The following NPAS3 variants were observed in gnomAD, a reference collection of about 807,000 sequenced individuals.
The protein encoded by NPAS3 is neuronal PAS domain-containing protein 3.
In NPAS3, 14 loss-of-function variants were observed where a neutral mutation model predicts 73.1. The ratio of observed to expected loss-of-function variants is 0.19; its 90% CI spans 0.13 to 0.30. The LOEUF (loss-of-function observed/expected upper bound fraction) is 0.30. Ranked by LOEUF, NPAS3 falls within the 10% of genes least tolerant of loss-of-function variation. NPAS3 has a pLI of 1.00. For missense variants in NPAS3, 1,096 were observed against 1,250.0 expected (o/e 0.88, Z 1.86); for synonymous variants, 620 against 541.5 (o/e 1.14, Z -2.01).
chr14:33,396,776 G>A (rs2047241021), intron 4 of NPAS3, among the ~76,000 whole-genome samples: 1 of 152,048 alleles, frequency 6.6e-6, no homozygotes, highest in Non-Finnish European at 1.5e-5. Context: ...ATACACTTAT[G>A]TGTATATGTG....
At chr14:33,249,387 A>G (rs2048499974) in intron 3 of NPAS3, among the ~76,000 whole-genome samples, 1 of 150,294 alleles carries the variant, frequency 6.7e-6, no homozygotes, top group Non-Finnish European at 1.5e-5. Context: ...CTCATCTGAA[A>G]TGTGGATGTC....
intron 5 of NPAS3, among the ~76,000 whole-genome samples, chr14:33,613,296 T>C (rs2057808366): frequency 6.6e-6 from 1 of 152,106 alleles, no homozygotes; most frequent in Admixed American, 6.6e-5. Context: ...AGGAAACAGA[T>C]CCTTTGAGGA....
intron 2 of NPAS3, among the ~76,000 whole-genome samples, chr14:33,134,109 C>A (rs2043744132): frequency 6.6e-6 from 1 of 152,112 alleles, no homozygotes; most frequent in South Asian, 2.1e-4. Flanking sequence ...TGCAAATTGA[C>A]TGCTATTTGG....
At chr14:33,085,657 G>A (rs1366622541) in intron 2 of NPAS3, among the ~76,000 whole-genome samples, 1 of 152,026 alleles carries the variant, frequency 6.6e-6, no homozygotes, top group Admixed American at 6.6e-5. Flanking sequence ...CATAGAAACT[G>A]AACTATTAAA....
intron 1 of NPAS3, among the ~76,000 whole-genome samples, chr14:33,034,199 T>C (rs1404671476): frequency 2.0e-5 from 3 of 152,068 alleles, no homozygotes; most frequent in Non-Finnish European, 4.4e-5. Context: ...GAAAATATTA[T>C]GTATTATTAC....
intron 1 of NPAS3, among the ~76,000 whole-genome samples, chr14:32,974,058 T>C (rs2037550737): frequency 6.6e-6 from 1 of 152,224 alleles, no homozygotes; most frequent in Non-Finnish European, 1.5e-5. Context: ...ACACAGTAAG[T>C]GGTCAGTTAA....
intron 4 of NPAS3, among the ~76,000 whole-genome samples, chr14:33,402,775 T>C (rs1349359856): frequency 6.6e-6 from 1 of 152,192 alleles, no homozygotes; most frequent in Non-Finnish European, 1.5e-5. Flanking sequence ...TCTGTGTGCC[T>C]AAGTGCTGGC....
upstream of NPAS3, chr14:32,939,269 A>AG (rs760919074): frequency 2.2e-6 from 1 of 449,376 alleles, no homozygotes; most frequent in South Asian, 1.7e-5. Flanking sequence ...CCCACCCGGG[A>AG]GGGGGGAGAG....
intron 2 of NPAS3, among the ~76,000 whole-genome samples, chr14:33,178,856 G>A (rs2045692012): frequency 6.6e-6 from 1 of 152,030 alleles, no homozygotes; most frequent in African/African-American, 2.4e-5. Context: ...GTACAATGTT[G>A]AATAGCATTG....
intron 5 of NPAS3, among the ~76,000 whole-genome samples, chr14:33,661,334 C>T (rs2059302131): frequency 6.6e-6 from 1 of 152,098 alleles, no homozygotes; most frequent in Non-Finnish European, 1.5e-5. Context: ...GCTTGGAGGG[C>T]AGAGGAAGTT....
intron 11 of NPAS3, 45 bp from the exon 12 acceptor site, chr14:33,799,689 C>T: frequency 6.5e-7 from 1 of 1,542,354 alleles, no homozygotes; most frequent in Non-Finnish European, 8.7e-7. Flanking sequence ...TCTTCTCTCT[C>T]TTCTCTCTCC....
downstream of NPAS3, chr14:33,801,394 A>T: frequency 2.1e-6 from 1 of 469,834 alleles, no homozygotes; most frequent in South Asian, 2.3e-5. Flanking sequence ...CTTTATTAAG[A>T]TGTCTTTCAT....
chr14:33,442,615 A>T (rs1047503635), intron 4 of NPAS3, among the ~76,000 whole-genome samples: 1 of 152,182 alleles, frequency 6.6e-6, no homozygotes, highest in Non-Finnish European at 1.5e-5. Context: ...TTCGCCCTTC[A>T]CTTGGCTCTG....
chr14:33,356,986 A>C (rs2045366082), intron 3 of NPAS3, among the ~76,000 whole-genome samples: 1 of 152,190 alleles, frequency 6.6e-6, no homozygotes, highest in Non-Finnish European at 1.5e-5. Flanking sequence ...CCTGTTTACT[A>C]ATCTGCATTC....
intron 3 of NPAS3, among the ~76,000 whole-genome samples, chr14:33,325,886 G>T (rs76590604): frequency 6.6e-6 from 1 of 151,944 alleles, no homozygotes; most frequent in Admixed American, 6.6e-5. Flanking sequence ...TTTTACTTGA[G>T]ACTTTCAGTT....
intron 2 of NPAS3, among the ~76,000 whole-genome samples, chr14:33,102,799 C>T (rs1489723302): frequency 2.0e-5 from 3 of 152,160 alleles, no homozygotes; most frequent in Non-Finnish European, 4.4e-5. Flanking sequence ...CTAAGATAGG[C>T]TCCAATTTAA....
chr14:33,080,762 AG>A (rs1450232515), intron 2 of NPAS3, among the ~76,000 whole-genome samples: 1 of 152,226 alleles, frequency 6.6e-6, no homozygotes, highest in Non-Finnish European at 1.5e-5. Flanking sequence ...GTGACATCAC[AG>A]GAAAGCGTGT....
intron 2 of NPAS3, among the ~76,000 whole-genome samples, chr14:33,155,522 T>G (rs368532928): frequency 6.6e-6 from 1 of 152,150 alleles, no homozygotes; most frequent in East Asian, 1.9e-4. Flanking sequence ...TCCTGAGTAG[T>G]CAAGGTTACA....
chr14:33,381,754 A>G (rs1347387030), intron 4 of NPAS3, among the ~76,000 whole-genome samples: 1 of 152,224 alleles, frequency 6.6e-6, no homozygotes, highest in Non-Finnish European at 1.5e-5. Context: ...ACAAGAGGAC[A>G]TGCGCTTTTG....
Sources: allele counts gnomAD v4.1 joint callset (sites outside exome capture counted in the v4.1 genomes callset), GRCh38; gene constraint gnomAD v4.1.1; transcripts MANE v1.5; gene names NCBI Gene and HGNC (gene_info 2026-07-23, HGNC 2026-07-21).